TXNRD3: variants seen among roughly 807,000 people sequenced by gnomAD.
TXNRD3 encodes TXNRD3 neighbor gene protein.
Under a neutral mutation model 78.2 loss-of-function variants are expected in TXNRD3, and 68 were observed. The ratio of observed to expected loss-of-function variants is 0.87; its 90% CI spans 0.72 to 1.06. The LOEUF (loss-of-function observed/expected upper bound fraction) is 1.06. TXNRD3 is among the 50% of genes least tolerant of loss of function. The pLI is 0.00. For missense variants in TXNRD3, 751 were observed against 809.5 expected, an observed-to-expected ratio of 0.93 and a Z score of 0.88; for synonymous variants, 296 against 300.1, an observed-to-expected ratio of 0.99 and a Z score of 0.14.
At chr3:126,650,718 C>T (rs1433537190) in intron 1 of TXNRD3, among the ~76,000 whole-genome samples, 1 of 151,914 alleles carries the variant, frequency 6.6e-6, no homozygotes, top group African/African-American at 2.4e-5. Flanking sequence ...TTCCTGATTC[C>T]CTTGCATATA....
rs113175067 is a variant in TXNRD3, at chr3:126,607,944, C to T, written c.1893G>A (p.Ser631=). Reference sequence around the variant, plus strand: ...CTTTCTGAGTGATGTCTAGTCCTGACGACTTTGTGATTTCCAAAGTCGTGA... The same window carrying T: ...CTTTCTGAGTGATGTCTAGTCCTGATGACTTTGTGATTTCCAAAGTCGTGA... Residue 631 remains serine, a synonymous_variant, in exon 16 of 16, where the codon TCG becomes TCA. Coordinates refer to ENST00000524230, the MANE Select transcript of TXNRD3 (RefSeq NM_052883.3). 1.2e-5 allele frequency: 18 copies of T among 1,505,448 alleles called. No individual in the cohort carries two copies. In the African/African-American group the frequency reaches 1.4e-4, roughly 12 times the overall value. 93.3% of individuals were successfully genotyped at this position (1,505,448 alleles called of 1,614,324 possible).
intron 10 of TXNRD3, among the ~76,000 whole-genome samples, chr3:126,623,863 A>AAAAAAAAAAAAAAAAAAAT: frequency 6.6e-6 from 1 of 151,428 alleles, no homozygotes; most frequent in Non-Finnish European, 1.5e-5. Flanking sequence ...AAAAAAAAAA[A>AAAAAAAAAAAAAAAAAAAT]AAAAAAAGAT....
intron 1 of TXNRD3, among the ~76,000 whole-genome samples, chr3:126,653,950 C>CAAT (rs1933447986): frequency 6.6e-6 from 1 of 150,862 alleles, no homozygotes; most frequent in Non-Finnish European, 1.5e-5. Context: ...ATGTATGGTT[C>CAAT]TATTTATATC....
At chr3:126,625,505 T>C (rs2107616320) in intron 10 of TXNRD3, among the ~76,000 whole-genome samples, 1 of 152,076 alleles carries the variant, frequency 6.6e-6, no homozygotes, top group East Asian at 1.9e-4. Context: ...TATGGCTGCA[T>C]AGTATTCCAT....
intron 12 of TXNRD3, among the ~76,000 whole-genome samples, chr3:126,616,238 G>A (rs955366398): frequency 2.6e-5 from 4 of 152,220 alleles, no homozygotes; most frequent in Admixed American, 1.3e-4. Flanking sequence ...TGCATGGAGA[G>A]AAAGCTGTGT....
At chr3:126,653,350 A>C (rs1933434122) in intron 1 of TXNRD3, among the ~76,000 whole-genome samples, 1 of 152,252 alleles carries the variant, frequency 6.6e-6, no homozygotes, top group Non-Finnish European at 1.5e-5. Flanking sequence ...TATAAAGAAT[A>C]AGTCAGTACA....
intron 1 of TXNRD3, among the ~76,000 whole-genome samples, chr3:126,648,916 G>A (rs1933304074): frequency 6.6e-6 from 1 of 152,156 alleles, no homozygotes; most frequent in African/African-American, 2.4e-5. Flanking sequence ...GAGGCAGGAG[G>A]ATCATGGAGT....
chr3:126,653,109 T>C (rs1371386509), intron 1 of TXNRD3, among the ~76,000 whole-genome samples: 1 of 152,266 alleles, frequency 6.6e-6, no homozygotes, highest in Admixed American at 6.5e-5. Context: ...CTCACGTTTA[T>C]TTCAATGTTT....
At chr3:126,644,897 A>AT (rs1307876689) in intron 3 of TXNRD3, among the ~76,000 whole-genome samples, 2 of 151,910 alleles carry the variant, frequency 1.3e-5, no homozygotes, top group Admixed American at 6.5e-5. Context: ...AACATCTCCC[A>AT]TTTTCTTTCA....
rs1427053639 is a variant in TXNRD3 at position 126,633,954 on chromosome 3, G to A, written c.810C>T (p.Ala270=). The A allele has an allele frequency of 4.6e-6, 7 of 1,520,192 alleles. No homozygotes were observed. Among genetic ancestry groups the A allele is most frequent in the Non-Finnish European group, 6.2e-6 (7 of 1,137,882 alleles). 94.2% of individuals were successfully genotyped at this position (1,520,192 alleles called of 1,614,324 possible). A position where few individuals can be genotyped will look rare whatever the true frequency, so the allele number is the denominator to read the frequency against. Residue 270 remains alanine (A), a synonymous_variant, in exon 7 of 16, where the codon GCC becomes GCT. Coordinates refer to ENST00000524230, the MANE Select transcript of TXNRD3 (RefSeq NM_052883.3). ...CAAATTCTCCATAGGAATTGACATA[G>A]GCCACAGCCTTTTCCCTCAGAGACA...
At chr3:126,631,420 C>T (rs939620609) in intron 8 of TXNRD3, among the ~76,000 whole-genome samples, 1 of 151,448 alleles carries the variant, frequency 6.6e-6, no homozygotes, top group African/African-American at 2.4e-5. Context: ...GCTGCTCCTC[C>T]CCAGCTGGCT....
intron 9 of TXNRD3, 105 bp from the exon 10 acceptor site, chr3:126,629,576 T>C (rs1391108128): frequency 7.2e-6 from 6 of 833,228 alleles, no homozygotes; most frequent in Middle Eastern, 2.3e-4. Flanking sequence ...TGTTTGGTGG[T>C]GGTACATATA....
chr3:126,646,631 C>A (rs1173181507), intron 2 of TXNRD3, among the ~76,000 whole-genome samples: 1 of 152,136 alleles, frequency 6.6e-6, no homozygotes, highest in Non-Finnish European at 1.5e-5. Context: ...TAAAACTGGT[C>A]CATCACTACT....
At chr3:126,646,252 C>T (rs1933230970) in intron 2 of TXNRD3, 32 bp from the exon 3 acceptor site, 5 of 1,463,846 alleles carry the variant, frequency 3.4e-6, no homozygotes, top group Non-Finnish European at 3.6e-6. Flanking sequence ...TATAAAAACA[C>T]TGAAAAGAGT....
rs530494135 is a variant in TXNRD3 at position 126,640,453 on chromosome 3, C to A, written c.712+1579G>T. 3.6e-3 allele frequency among the ~76,000 whole-genome samples: 547 copies of A among 152,170 alleles called. 2 individuals carry two copies. Among genetic ancestry groups the A allele is most frequent in the Non-Finnish European group, 5.8e-3 (394 of 67,986 alleles). The stretch of plus-strand genomic sequence containing the variant: ...AGTGAACAGTATTCCATTTCCCCCC[C>A]AGTCTCTCTTCCTGTATTCTTTCCT... On this transcript the variant is annotated intron_variant, in intron 6 of 15. Transcript: ENST00000524230.
chr3:126,607,133 CA>C lies in TXNRD3; in HGVS notation c.*771del, dbSNP rs1301004035. 1 of 152,134 alleles carries C rather than the reference CA, an allele frequency of 6.6e-6. No homozygotes were observed. Among genetic ancestry groups the C allele is most frequent in the Non-Finnish European group, 1.5e-5 (1 of 68,028 alleles). The allele number at this position is 152,134 out of a possible 1,614,324, so 9.4% of individuals were successfully genotyped here. A position where few individuals can be genotyped will look rare whatever the true frequency, so the allele number is the denominator to read the frequency against. ...TCACAGATAAATTAGTTAGATTTCA[CA>C]TAATACAGTATTAAAAACTTTTGGA... On this transcript the variant is annotated 3_prime_UTR_variant, in exon 16 of 16. Transcript: ENST00000524230.
intron 10 of TXNRD3, among the ~76,000 whole-genome samples, chr3:126,626,338 G>T (rs1413637208): frequency 2.6e-5 from 4 of 152,044 alleles, no homozygotes; most frequent in African/African-American, 4.8e-5. Flanking sequence ...TTAACCCAAA[G>T]ATACTACTGA....
intron 12 of TXNRD3, among the ~76,000 whole-genome samples, chr3:126,617,973 A>G (rs745686851): frequency 1.3e-5 from 2 of 152,234 alleles, no homozygotes; most frequent in African/African-American, 4.8e-5. Context: ...TCCATTTATA[A>G]TAGCTACAAA....
At position 126,623,955 on chromosome 3, in the gene TXNRD3, TA is replaced by T. The variant is rs928304798; in HGVS notation, c.1291-1416del. Among the ~76,000 whole-genome samples the T allele has an allele frequency of 6.7e-5, 10 of 150,346 alleles. No individual in the cohort carries two copies. In the East Asian group the frequency reaches 1.6e-3, roughly 24 times the overall value. On this transcript the variant is annotated intron_variant, in intron 10 of 15. Transcript: ENST00000524230. Reference sequence around the variant, plus strand: ...ATCCTAAGAAGCTACAAGGTCAATATAAAAAAAACTGTATTTTTATACACTA... The same window carrying T: ...ATCCTAAGAAGCTACAAGGTCAATATAAAAAAACTGTATTTTTATACACTA...
Sources: allele counts gnomAD v4.1 joint callset (sites outside exome capture counted in the v4.1 genomes callset), GRCh38; gene constraint gnomAD v4.1.1; transcripts MANE v1.5; gene names NCBI Gene and HGNC (gene_info 2026-07-23, HGNC 2026-07-21).